Variants in PRAG1 observed in about 807,000 individuals in gnomAD.
The protein encoded by PRAG1 is PEAK1 related, kinase-activating pseudokinase 1.
Under a neutral mutation model 95.6 loss-of-function variants are expected in PRAG1, and 110 were observed. That is an observed-to-expected ratio of 1.15 (90% CI 0.99 to 1.35). The LOEUF (loss-of-function observed/expected upper bound fraction) is 1.35, where lower values mean the gene tolerates loss of function less well. PRAG1 is among the 40% of genes most tolerant of loss of function. PRAG1 has a pLI of 0.00. For missense variants in PRAG1, 2,554 were observed against 1,864.7 expected (o/e 1.37, Z -6.81); for synonymous variants, 1,052 against 819.4 (o/e 1.28, Z -4.85).
intron 3 of PRAG1, among the ~76,000 whole-genome samples, chr8:8,349,955 A>G (rs1174510628): frequency 6.6e-6 from 1 of 151,438 alleles, no homozygotes; most frequent in Non-Finnish European, 1.5e-5. Context: ...ACACACACAC[A>G]CACACATACC....
chr8:8,351,645 T>A (rs138461186), intron 3 of PRAG1, among the ~76,000 whole-genome samples: 1 of 152,246 alleles, frequency 6.6e-6, no homozygotes, highest in African/African-American at 2.4e-5. Flanking sequence ...AAGAACTAGA[T>A]AATTTATAGT....
chr8:8,330,691 A>G (rs1278829332), intron 4 of PRAG1, among the ~76,000 whole-genome samples: 2 of 152,194 alleles, frequency 1.3e-5, no homozygotes, highest in African/African-American at 4.8e-5. Flanking sequence ...GAAGATCTAG[A>G]TGGCAGTGAT....
intron 3 of PRAG1, among the ~76,000 whole-genome samples, chr8:8,341,861 G>A (rs1197772007): frequency 6.6e-6 from 1 of 152,138 alleles, no homozygotes; most frequent in Non-Finnish European, 1.5e-5. Flanking sequence ...GGCCGGATAC[G>A]GTGGCTCCCT....
chr8:8,335,253 G>T (rs886559610), intron 4 of PRAG1, among the ~76,000 whole-genome samples: 1 of 152,152 alleles, frequency 6.6e-6, no homozygotes, highest in African/African-American at 2.4e-5. Flanking sequence ...CTTACTGTAA[G>T]TCTTGCAATG....
intron 2 of PRAG1, among the ~76,000 whole-genome samples, chr8:8,379,018 T>C (rs1038906562): frequency 2.7e-5 from 4 of 149,310 alleles, no homozygotes; most frequent in African/African-American, 9.9e-5. Context: ...GTTTCTGAAC[T>C]GGATCAGGGT....
chr8:8,319,671 T>C lies in PRAG1; in HGVS notation c.3073-369A>G, dbSNP rs139658296. 6.7e-3 allele frequency among the ~76,000 whole-genome samples: 1,021 copies of C among 152,238 alleles called. 9 individuals carry two copies. Among genetic ancestry groups the C allele is most frequent in the African/African-American group, 0.024 (977 of 41,538 alleles). ...ATAAAGGACTTGTTTCTGGAATTTG[T>C]ATTAAAAAACACTCTTTTACAACTC... is the stretch of plus-strand genomic sequence containing the variant. On this transcript the variant is annotated intron_variant, in intron 5 of 5. Transcript: ENST00000615670.
At chr8:8,351,150 G>C (rs1474895318) in intron 3 of PRAG1, among the ~76,000 whole-genome samples, 2 of 152,166 alleles carry the variant, frequency 1.3e-5, no homozygotes, top group Non-Finnish European at 1.5e-5. Flanking sequence ...CGTATGGTGG[G>C]CTTCTGGGTA....
At chr8:8,366,448 A>G (rs1178110542) in intron 3 of PRAG1, among the ~76,000 whole-genome samples, 1 of 151,904 alleles carries the variant, frequency 6.6e-6, no homozygotes, top group African/African-American at 2.4e-5. Flanking sequence ...TGAGTAGCTA[A>G]GATTACATGC....
chr8:8,338,281 T>C (rs1351703216), intron 4 of PRAG1, among the ~76,000 whole-genome samples: 1 of 152,212 alleles, frequency 6.6e-6, no homozygotes, highest in African/African-American at 2.4e-5. Flanking sequence ...GGTTTACTGG[T>C]TCTGGGAAAC....
At chr8:8,335,174 G>C (rs573080154) in intron 4 of PRAG1, among the ~76,000 whole-genome samples, 1 of 152,290 alleles carries the variant, frequency 6.6e-6, no homozygotes, top group South Asian at 2.1e-4. Context: ...TGATATGTCA[G>C]TTCCACTTCT....
chr8:8,360,875 T>C (rs1259067827), intron 3 of PRAG1, among the ~76,000 whole-genome samples: 1 of 152,240 alleles, frequency 6.6e-6, no homozygotes, highest in Non-Finnish European at 1.5e-5. Flanking sequence ...GCATTATTTT[T>C]ATCCTACTGC....
At chr8:8,352,204 G>C (rs1799546120) in intron 3 of PRAG1, among the ~76,000 whole-genome samples, 1 of 152,054 alleles carries the variant, frequency 6.6e-6, no homozygotes, top group African/African-American at 2.4e-5. Flanking sequence ...CTTCACGCTG[G>C]GGCAGCCTTT....
At chr8:8,359,194 T>C (rs1271256785) in intron 3 of PRAG1, among the ~76,000 whole-genome samples, 2 of 152,258 alleles carry the variant, frequency 1.3e-5, no homozygotes, top group Non-Finnish European at 2.9e-5. Context: ...TATTTTTTTA[T>C]AGTTTTTCCT....
intron 3 of PRAG1, among the ~76,000 whole-genome samples, chr8:8,373,878 C>A (rs886394290): frequency 1.3e-5 from 2 of 152,110 alleles, no homozygotes; most frequent in African/African-American, 2.4e-5. Flanking sequence ...ACAAACTGGG[C>A]CGAAAAAACT....
At chr8:8,346,189 G>C (rs1029528283) in intron 3 of PRAG1, among the ~76,000 whole-genome samples, 2 of 152,174 alleles carry the variant, frequency 1.3e-5, no homozygotes, top group Non-Finnish European at 2.9e-5. Flanking sequence ...ATAATAATTT[G>C]ATCTGTCTTT....
chr8:8,348,497 A>C (rs1036107140), intron 3 of PRAG1, among the ~76,000 whole-genome samples: 1 of 152,170 alleles, frequency 6.6e-6, no homozygotes. Flanking sequence ...ACAAAGTATC[A>C]TCATTTTGGT....
intron 5 of PRAG1, among the ~76,000 whole-genome samples, chr8:8,321,018 TA>T (rs1798455717): frequency 6.6e-6 from 1 of 152,262 alleles, no homozygotes; most frequent in South Asian, 2.1e-4. Flanking sequence ...TGCTTCCTAT[TA>T]CACTAACAAA....
In PRAG1 at chr8:8,320,605, T is replaced by A. The variant is rs548817827; in HGVS notation, c.3073-1303A>T. Among the ~76,000 whole-genome samples, 7 of 152,288 alleles carry A rather than the reference T, an allele frequency of 4.6e-5. No homozygotes were observed. In the East Asian group the frequency reaches 1.4e-3, roughly 29 times the overall value. On this transcript the variant is annotated intron_variant, in intron 5 of 5. Transcript: ENST00000615670. ...ATTATGCAACCTCACCCAGGCTTTG[T>A]AGAAAGACAAAGATCAATGTGTAAT...
intron 3 of PRAG1, among the ~76,000 whole-genome samples, chr8:8,372,889 A>C (rs1800257483): frequency 6.6e-6 from 1 of 152,220 alleles, no homozygotes; most frequent in Non-Finnish European, 1.5e-5. Flanking sequence ...TGACCTAAGG[A>C]AGCAGACGAT....
Sources: allele counts gnomAD v4.1 joint callset (sites outside exome capture counted in the v4.1 genomes callset), GRCh38; gene constraint gnomAD v4.1.1; transcripts MANE v1.5; gene names NCBI Gene and HGNC (gene_info 2026-07-23, HGNC 2026-07-21).